Variants in ARHGAP15 observed in about 807,000 individuals in gnomAD.
The protein encoded by ARHGAP15 is Rho GTPase activating protein 15.
Under a neutral mutation model 63.7 loss-of-function variants are expected in ARHGAP15, and 51 were observed. The ratio of observed to expected loss-of-function variants is 0.80; its 90% confidence interval spans 0.64 to 1.01. ARHGAP15 has a LOEUF of 1.01. Among genes scored for constraint, ARHGAP15 ranks in the 50% least tolerant of loss-of-function variants. The pLI, the probability that ARHGAP15 is intolerant of heterozygous loss-of-function variation, is 0.00. For synonymous variants in ARHGAP15, 191 were observed against 193.8 expected, an observed-to-expected ratio of 0.99 and a Z score of 0.12; for missense variants, 560 against 564.6, an observed-to-expected ratio of 0.99 and a Z score of 0.08.
intron 12 of ARHGAP15, among the ~76,000 whole-genome samples, chr2:143,691,643 T>C (rs1683605415): frequency 6.6e-6 from 1 of 152,228 alleles, no homozygotes; most frequent in African/African-American, 2.4e-5. Context: ...CAACACATTA[T>C]CTAAATGGGA....
chr2:143,414,739 G>A (rs1688605342), intron 6 of ARHGAP15, among the ~76,000 whole-genome samples: 2 of 152,160 alleles, frequency 1.3e-5, no homozygotes. Flanking sequence ...TTTGAGACCA[G>A]CTTGGCTAAC....
intron 10 of ARHGAP15, among the ~76,000 whole-genome samples, chr2:143,523,231 C>G (rs4350688): frequency 0.21 from 32,279 of 151,996 alleles, 3,702 homozygotes; most frequent in Middle Eastern, 0.28. Flanking sequence ...ATTAAGCAAA[C>G]AGACACACAC....
At chr2:143,603,423 C>A (rs1308293642) in intron 11 of ARHGAP15, among the ~76,000 whole-genome samples, 3 of 152,156 alleles carry the variant, frequency 2.0e-5, no homozygotes, top group African/African-American at 7.2e-5. Flanking sequence ...CAGCTGCAGG[C>A]CACCTGTAGA....
In ARHGAP15 at chr2:143,703,770, C is replaced by T. The variant is rs17775308; in HGVS notation, c.1244+246C>T. ...TCAACTAGTATATGTTTGCTGATTG[C>T]TTGTCAGAACCATCGCCTGGACCCT... On this transcript the variant is annotated intron_variant, in intron 13 of 13. Coordinates refer to ENST00000295095, the MANE Select transcript of ARHGAP15 (RefSeq NM_018460.4). The T allele has an allele frequency of 4.1e-3, 1,388 of 335,698 alleles. 12 individuals carry two copies. The highest frequency in any genetic ancestry group is 0.012 in the South Asian group (200 of 16,622). 20.8% of individuals were successfully genotyped at this position (335,698 alleles called of 1,614,324 possible). A position where few individuals can be genotyped will look rare whatever the true frequency, so the allele number is the denominator to read the frequency against.
At chr2:143,641,439 A>G (rs548216395) in intron 12 of ARHGAP15, among the ~76,000 whole-genome samples, 1 of 152,156 alleles carries the variant, frequency 6.6e-6, no homozygotes, top group Non-Finnish European at 1.5e-5. Context: ...TTTGTTCAAC[A>G]GATGGCTAGA....
At chr2:143,563,219 G>A (rs536145262) in intron 11 of ARHGAP15, among the ~76,000 whole-genome samples, 1 of 152,190 alleles carries the variant, frequency 6.6e-6, no homozygotes, top group Admixed American at 6.5e-5. Context: ...AAGTGAATCA[G>A]CCAGGGGATA....
intron 2 of ARHGAP15, among the ~76,000 whole-genome samples, chr2:143,199,260 G>A (rs554792193): frequency 6.6e-6 from 1 of 152,092 alleles, no homozygotes; most frequent in Admixed American, 6.6e-5. Context: ...CGTTAATTGA[G>A]CATCAACTAT....
intron 6 of ARHGAP15, among the ~76,000 whole-genome samples, chr2:143,330,502 G>C (rs1280995877): frequency 6.6e-6 from 1 of 152,128 alleles, no homozygotes. Flanking sequence ...CTAAGTCCCT[G>C]TCACTTTACA....
rs545107444 is a variant in ARHGAP15 at position 143,382,762 on chromosome 2, C to T, written c.475-52839C>T. Reference sequence around the variant, plus strand: ...GATCCCGTGAGGCTGAAAGTGCCATCGCCGGCTGCTGTCTTGTCTGCGACT... The same window carrying T: ...GATCCCGTGAGGCTGAAAGTGCCATTGCCGGCTGCTGTCTTGTCTGCGACT... On this transcript the variant is annotated intron_variant, in intron 6 of 13. Coordinates refer to ENST00000295095, the MANE Select transcript of ARHGAP15 (RefSeq NM_018460.4). Among the ~76,000 whole-genome samples the T allele has an allele frequency of 8.5e-5, 13 of 152,314 alleles. No homozygotes were observed. The East Asian group carries it at 1.9e-3, about 23-fold the overall frequency.
intron 12 of ARHGAP15, chr2:143,682,765 A>G (rs1683162888): frequency 6.6e-6 from 1 of 152,142 alleles, no homozygotes; most frequent in Non-Finnish European, 1.5e-5. Flanking sequence ...CTTCCTATAT[A>G]CTTTGCTAAT....
chr2:143,585,505 AAAATATGATT>A, intron 11 of ARHGAP15, among the ~76,000 whole-genome samples: 1 of 152,236 alleles, frequency 6.6e-6, no homozygotes, highest in South Asian at 2.1e-4. Context: ...TAGTCAGATA[AAAATATGATT>A]CTGCCACAGT....
At chr2:143,707,691 A>G (rs1398434947) in intron 13 of ARHGAP15, among the ~76,000 whole-genome samples, 1 of 152,228 alleles carries the variant, frequency 6.6e-6, no homozygotes, top group Non-Finnish European at 1.5e-5. Flanking sequence ...TGTTTGCAAC[A>G]GTGAGCATTT....
intron 6 of ARHGAP15, among the ~76,000 whole-genome samples, chr2:143,398,918 C>G (rs945760591): frequency 6.6e-6 from 1 of 151,878 alleles, no homozygotes; most frequent in Non-Finnish European, 1.5e-5. Context: ...ACTGAAGAAA[C>G]AGATTAATTG....
chr2:143,373,639 A>T (rs1409284730), intron 6 of ARHGAP15, among the ~76,000 whole-genome samples: 3 of 149,406 alleles, frequency 2.0e-5, no homozygotes, highest in African/African-American at 7.3e-5. Context: ...CAAAAAAAAA[A>T]AAAAAAAAAA....
intron 1 of ARHGAP15, among the ~76,000 whole-genome samples, chr2:143,134,109 A>G (rs935829175): frequency 1.0e-3 from 11 of 10,596 alleles, no homozygotes; most frequent in African/African-American, 3.3e-3. Flanking sequence ...TTGAAAATCT[A>G]TCTATCTATC....
chr2:143,569,092 G>C (rs1429511957), intron 11 of ARHGAP15, among the ~76,000 whole-genome samples: 1 of 152,050 alleles, frequency 6.6e-6, no homozygotes, highest in Non-Finnish European at 1.5e-5. Flanking sequence ...CAGTGAGCCA[G>C]CATGGCACAT....
intron 8 of ARHGAP15, among the ~76,000 whole-genome samples, chr2:143,448,498 T>G (rs926398869): frequency 6.6e-6 from 1 of 152,058 alleles, no homozygotes; most frequent in Admixed American, 6.6e-5. Flanking sequence ...GAATAGACCA[T>G]GTACCATATG....
intron 13 of ARHGAP15, among the ~76,000 whole-genome samples, chr2:143,709,204 AT>A (rs1178360589): frequency 1.3e-5 from 2 of 152,172 alleles, no homozygotes; most frequent in African/African-American, 2.4e-5. Flanking sequence ...AGTTGACCAG[AT>A]TTCCTTTGTG....
chr2:143,416,138 A>G (rs1427842674), intron 6 of ARHGAP15, among the ~76,000 whole-genome samples: 2 of 151,968 alleles, frequency 1.3e-5, no homozygotes, highest in African/African-American at 2.4e-5. Context: ...AATAATTAAA[A>G]AAAAAAAAAC....
Sources: allele counts gnomAD v4.1 joint callset (sites outside exome capture counted in the v4.1 genomes callset), GRCh38; gene constraint gnomAD v4.1.1; transcripts MANE v1.5; gene names NCBI Gene and HGNC (gene_info 2026-07-23, HGNC 2026-07-21).